The following FRMD3 variants were observed in gnomAD, a reference collection of about 807,000 sequenced individuals.
FRMD3 encodes FERM domain-containing protein 3.
In FRMD3, 33 loss-of-function variants were observed where a neutral mutation model predicts 70.2. The ratio of observed to expected loss-of-function variants is 0.47; its 90% CI spans 0.36 to 0.63. The LOEUF (loss-of-function observed/expected upper bound fraction) is 0.63. Among genes scored for constraint, FRMD3 ranks in the 20% least tolerant of loss-of-function variants. The pLI is 0.00. For synonymous variants in FRMD3, 279 were observed against 255.9 expected, an observed-to-expected ratio of 1.09 and a Z score of -0.86; for missense variants, 632 against 711.4, an observed-to-expected ratio of 0.89 and a Z score of 1.27.
chr9:83,343,150 C>T, intron 5 of FRMD3, 40 bp downstream of exon 5: 2 of 1,379,762 alleles, frequency 1.4e-6, no homozygotes, highest in Non-Finnish European at 2.1e-6. Context: ...CAGAGCTCCA[C>T]AGTGCAAAGG....
chr9:83,477,342 A>G (rs1828425170), intron 1 of FRMD3, among the ~76,000 whole-genome samples: 1 of 152,166 alleles, frequency 6.6e-6, no homozygotes, highest in Non-Finnish European at 1.5e-5. Context: ...TTGAGAACCA[A>G]TCAGGATGGC....
the FRMD3 span, among the ~76,000 whole-genome samples, chr9:83,567,521 C>T: frequency 3.3e-5 from 5 of 152,314 alleles, no homozygotes; most frequent in South Asian, 4.1e-4. Context: ...ACGGCATCAT[C>T]GGGCTACAAA....
At chr9:83,389,128 T>C (rs552443449) in intron 2 of FRMD3, among the ~76,000 whole-genome samples, 1 of 152,002 alleles carries the variant, frequency 6.6e-6, no homozygotes, top group South Asian at 2.1e-4. Flanking sequence ...TTGTATTTTT[T>C]GTAGAGGTGG....
intron 3 of FRMD3, among the ~76,000 whole-genome samples, chr9:83,359,982 C>A (rs1587770441): frequency 6.6e-6 from 1 of 152,146 alleles, no homozygotes; most frequent in Non-Finnish European, 1.5e-5. Context: ...TGTTACCTTG[C>A]CTTTTACCTG....
At chr9:83,490,239 C>A (rs1376129950) in intron 1 of FRMD3, among the ~76,000 whole-genome samples, 1 of 152,158 alleles carries the variant, frequency 6.6e-6, no homozygotes, top group African/African-American at 2.4e-5. Context: ...AATGGAAAAA[C>A]AAACAGGCAT....
intron 13 of FRMD3, among the ~76,000 whole-genome samples, chr9:83,269,833 C>A (rs1833469888): frequency 6.6e-6 from 1 of 152,188 alleles, no homozygotes; most frequent in Admixed American, 6.5e-5. Flanking sequence ...CCCTCTTAAA[C>A]CTGCTCTCAC....
chr9:83,397,304 G>A (rs1825835279), intron 1 of FRMD3, among the ~76,000 whole-genome samples: 1 of 152,106 alleles, frequency 6.6e-6, no homozygotes, highest in Admixed American at 6.6e-5. Flanking sequence ...ATCACTGGAG[G>A]TATTTGAGTT....
At chr9:83,486,063 T>C (rs1185999182) in intron 1 of FRMD3, among the ~76,000 whole-genome samples, 2 of 152,068 alleles carry the variant, frequency 1.3e-5, no homozygotes, top group Admixed American at 1.3e-4. Context: ...TGTAATATAA[T>C]ATATTAATGA....
At chr9:83,406,778 C>A (rs1162232258) in intron 1 of FRMD3, among the ~76,000 whole-genome samples, 1 of 152,350 alleles carries the variant, frequency 6.6e-6, no homozygotes, top group African/African-American at 2.4e-5. Context: ...TAGAAGAGAG[C>A]AGAGAAATCC....
At chr9:83,436,174 C>T (rs112731212) in intron 1 of FRMD3, among the ~76,000 whole-genome samples, 16 of 152,280 alleles carry the variant, frequency 1.1e-4, no homozygotes, top group African/African-American at 3.6e-4. Flanking sequence ...AGATTCTGAT[C>T]TTGGACTCTG....
intron 13 of FRMD3, among the ~76,000 whole-genome samples, chr9:83,279,937 G>T (rs1833918853): frequency 1.3e-5 from 2 of 152,142 alleles, no homozygotes; most frequent in South Asian, 4.1e-4. Flanking sequence ...TGCACGTTCT[G>T]TACATGTATC....
chr9:83,503,292 C>T (rs1350496389), intron 1 of FRMD3, among the ~76,000 whole-genome samples: 2 of 152,156 alleles, frequency 1.3e-5, no homozygotes, highest in African/African-American at 2.4e-5. Context: ...GAGCTTTCTC[C>T]AGCTGACGAC....
intron 6 of FRMD3, among the ~76,000 whole-genome samples, chr9:83,335,184 A>C (rs1450167076): frequency 6.6e-6 from 1 of 152,142 alleles, no homozygotes. Context: ...GGCAACACAA[A>C]ATTCAAATCA....
At chr9:83,467,337 C>T (rs1828154673) in intron 1 of FRMD3, among the ~76,000 whole-genome samples, 1 of 152,102 alleles carries the variant, frequency 6.6e-6, no homozygotes, top group African/African-American at 2.4e-5. Flanking sequence ...ACCTTCAGAA[C>T]CATTATTACC....
intron 1 of FRMD3, among the ~76,000 whole-genome samples, chr9:83,433,971 A>G (rs1024077586): frequency 1.1e-4 from 17 of 152,198 alleles, no homozygotes; most frequent in Non-Finnish European, 1.9e-4. Context: ...GACTTGTGTC[A>G]AAAGTCACCA....
intron 1 of FRMD3, among the ~76,000 whole-genome samples, chr9:83,445,315 C>G (rs1209951942): frequency 6.6e-6 from 1 of 151,714 alleles, no homozygotes; most frequent in Non-Finnish European, 1.5e-5. Flanking sequence ...GCCTGGGTGA[C>G]AGAGCTAGAC....
At chr9:83,357,575 C>T (rs1225962859) in intron 3 of FRMD3, among the ~76,000 whole-genome samples, 1 of 151,852 alleles carries the variant, frequency 6.6e-6, no homozygotes, top group East Asian at 1.9e-4. Flanking sequence ...TTCACCACAC[C>T]TATGCCAACA....
At chr9:83,480,602 TCTCCTGCCTCAGACTC>T (rs1483786315) in intron 1 of FRMD3, among the ~76,000 whole-genome samples, 1 of 151,862 alleles carries the variant, frequency 6.6e-6, no homozygotes, top group Non-Finnish European at 1.5e-5. Flanking sequence ...TTCAAGTGAT[TCTCCTGCCTCAGACTC>T]CCAGGTAGCT....
At chr9:83,452,069 C>G (rs148498172) in intron 1 of FRMD3, among the ~76,000 whole-genome samples, 2 of 152,272 alleles carry the variant, frequency 1.3e-5, no homozygotes, top group Non-Finnish European at 2.9e-5. Flanking sequence ...ATCCTTGCCC[C>G]CTTTTCTGGG....
Sources: gnomAD v4.1 joint callset for allele counts (sites outside exome capture counted in the v4.1 genomes callset) on GRCh38, gnomAD v4.1.1 for gene constraint, MANE v1.5 for transcripts, NCBI Gene and HGNC (gene_info 2026-07-23, HGNC 2026-07-21) for gene names.